MEI4: variants seen among roughly 807,000 people sequenced by gnomAD.
MEI4 encodes meiosis-specific protein MEI4.
A neutral mutation model predicts 31.4 loss-of-function variants in MEI4; 27 were observed. The ratio of observed to expected loss-of-function variants is 0.86; its 90% CI spans 0.63 to 1.19. The LOEUF is 1.19. Ranked by LOEUF, MEI4 falls within the 50% of genes most tolerant of loss-of-function variation. MEI4 has a pLI of 0.00. For missense variants in MEI4, 329 were observed against 398.9 expected (o/e 0.82, Z 1.49); for synonymous variants, 122 against 145.4 (o/e 0.84, Z 1.16).
chr6:77,872,281 T>G (rs1290243573), intron 4 of MEI4, among the ~76,000 whole-genome samples: 1 of 152,156 alleles, frequency 6.6e-6, no homozygotes, highest in East Asian at 1.9e-4. Context: ...CTCCTGAATC[T>G]TGGCCTTGCC....
chr6:77,743,534 G>C (rs756721800), intron 2 of MEI4, among the ~76,000 whole-genome samples: 2 of 152,086 alleles, frequency 1.3e-5, no homozygotes, highest in Non-Finnish European at 1.5e-5. Flanking sequence ...GAGATGACGG[G>C]GTTTTCTAGA....
chr6:77,766,752 T>C (rs1420948425), intron 3 of MEI4, among the ~76,000 whole-genome samples: 1 of 152,156 alleles, frequency 6.6e-6, no homozygotes, highest in Non-Finnish European at 1.5e-5. Flanking sequence ...TTTTGTTTTT[T>C]TTCTAGTATG....
intron 1 of MEI4, among the ~76,000 whole-genome samples, chr6:77,664,818 A>T (rs1405046527): frequency 1.3e-5 from 2 of 152,112 alleles, no homozygotes; most frequent in South Asian, 4.1e-4. Context: ...AATTATTTAG[A>T]TCTTGCAGGA....
intron 2 of MEI4, among the ~76,000 whole-genome samples, chr6:77,731,781 A>G (rs1299503369): frequency 2.0e-5 from 3 of 151,982 alleles, no homozygotes; most frequent in African/African-American, 7.3e-5. Context: ...GTAAGTCTTT[A>G]AACCATCTTG....
chr6:77,921,452 C>T lies in MEI4; in HGVS notation c.901-1637C>T, dbSNP rs117330012. On this transcript the variant is annotated intron_variant, in intron 4 of 4. Coordinates refer to ENST00000684080, the MANE Select transcript of MEI4 (RefSeq NM_001322247.2). ...GTATTCAGGCCACTACAATTTTTTCCATGTTACCAGTCGGGCTGTTTCCCC... is the reference window on the plus strand; with the variant it reads ...GTATTCAGGCCACTACAATTTTTTCTATGTTACCAGTCGGGCTGTTTCCCC... Among the ~76,000 whole-genome samples, 1,194 of 151,806 alleles carry T rather than the reference C, an allele frequency of 7.9e-3. 8 individuals are homozygous for T. The highest frequency in any genetic ancestry group is 0.012 in the Non-Finnish European group (785 of 67,820).
At chr6:77,890,822 A>AAGATCTG (rs1771748786) in intron 4 of MEI4, among the ~76,000 whole-genome samples, 2 of 152,228 alleles carry the variant, frequency 1.3e-5, no homozygotes, top group African/African-American at 4.8e-5. Flanking sequence ...GAGTTCTCAC[A>AAGATCTG]AGATCTGATG....
At chr6:77,708,067 C>G (rs898024316) in intron 2 of MEI4, among the ~76,000 whole-genome samples, 8 of 152,170 alleles carry the variant, frequency 5.3e-5, no homozygotes, top group Non-Finnish European at 1.2e-4. Context: ...GGGGCACTGT[C>G]TAGTGGAGCT....
At chr6:77,867,819 A>C (rs1180008232) in intron 4 of MEI4, among the ~76,000 whole-genome samples, 3 of 152,192 alleles carry the variant, frequency 2.0e-5, no homozygotes, top group Non-Finnish European at 2.9e-5. Flanking sequence ...AACCAACCCA[A>C]ATGTACAACA....
intron 2 of MEI4, among the ~76,000 whole-genome samples, chr6:77,729,658 C>T (rs985621577): frequency 1.3e-5 from 2 of 152,098 alleles, no homozygotes; most frequent in Non-Finnish European, 1.5e-5. Flanking sequence ...CAATTAATCA[C>T]CCCCTTTTTA....
chr6:77,798,381 AAATAT>A (rs1185044581), intron 3 of MEI4, among the ~76,000 whole-genome samples: 1 of 151,628 alleles, frequency 6.6e-6, no homozygotes, highest in African/African-American at 2.4e-5. Context: ...TAATTAAAAT[AAATAT>A]GAAGGAGGAG....
intron 2 of MEI4, among the ~76,000 whole-genome samples, chr6:77,699,334 C>T (rs958384718): frequency 2.0e-4 from 30 of 151,694 alleles, no homozygotes; most frequent in African/African-American, 5.3e-4. Context: ...GGACTACAGG[C>T]GCCTGCCACT....
chr6:77,688,569 T>G (rs773820595), intron 1 of MEI4, among the ~76,000 whole-genome samples: 6 of 152,128 alleles, frequency 3.9e-5, no homozygotes, highest in Non-Finnish European at 7.4e-5. Context: ...GTTGCTTCAA[T>G]CAATTAATTA....
chr6:77,710,648 G>A (rs1432649550), intron 2 of MEI4, among the ~76,000 whole-genome samples: 1 of 149,054 alleles, frequency 6.7e-6, no homozygotes. Context: ...TGCCTCTTTT[G>A]TATTGGTAGA....
chr6:77,761,777 TG>T, intron 3 of MEI4, 112 bp downstream of exon 3: 1 of 683,444 alleles, frequency 1.5e-6, no homozygotes, highest in Non-Finnish European at 2.0e-6. Flanking sequence ...AATCCCTTAT[TG>T]GGTCTTTTTC....
chr6:77,702,176 C>T (rs1766241425), intron 2 of MEI4, among the ~76,000 whole-genome samples: 2 of 152,164 alleles, frequency 1.3e-5, no homozygotes, highest in Admixed American at 1.3e-4. Flanking sequence ...TTCCTGGTCC[C>T]AGCCTGCTCC....
At chr6:77,689,832 T>C (rs1336775692) in intron 1 of MEI4, among the ~76,000 whole-genome samples, 2 of 152,082 alleles carry the variant, frequency 1.3e-5, no homozygotes, top group Non-Finnish European at 2.9e-5. Flanking sequence ...TCACTCTTCA[T>C]CAAGCATTTT....
At chr6:77,743,153 T>C (rs2127673569) in intron 2 of MEI4, among the ~76,000 whole-genome samples, 1 of 152,342 alleles carries the variant, frequency 6.6e-6, no homozygotes, top group Non-Finnish European at 1.5e-5. Context: ...TCCAACTCTG[T>C]GAAGAAAGTC....
intron 2 of MEI4, among the ~76,000 whole-genome samples, chr6:77,754,441 A>C (rs1372307497): frequency 6.6e-6 from 1 of 152,084 alleles, no homozygotes; most frequent in African/African-American, 2.4e-5. Context: ...TGTTTACATC[A>C]CTATCAGCAT....
chr6:77,699,202 T>TC (rs1766141292), intron 2 of MEI4, among the ~76,000 whole-genome samples: 3 of 147,496 alleles, frequency 2.0e-5, no homozygotes, highest in Admixed American at 1.3e-4. Context: ...TTTTTTTTTT[T>TC]TTTTTGAGAC....
Sources: gnomAD v4.1 joint callset for allele counts (sites outside exome capture counted in the v4.1 genomes callset) on GRCh38, gnomAD v4.1.1 for gene constraint, MANE v1.5 for transcripts, NCBI Gene and HGNC (gene_info 2026-07-23, HGNC 2026-07-21) for gene names.